CDK14: variants seen among roughly 807,000 people sequenced by gnomAD.
The protein encoded by CDK14 is cyclin dependent kinase 14.
CDK14 carries 34 observed loss-of-function variants against 60.7 expected under a neutral mutation model. That is an observed-to-expected ratio of 0.56 (90% CI 0.43 to 0.75). CDK14 has a LOEUF of 0.75. Ranked by LOEUF, CDK14 falls within the 30% of genes least tolerant of loss-of-function variation. The pLI, the probability that CDK14 is intolerant of heterozygous loss-of-function variation, is 0.00. For synonymous variants in CDK14, 197 were observed against 203.7 expected (o/e 0.97, Z 0.28); for missense variants, 482 against 564.1 (o/e 0.85, Z 1.47).
At chr7:90,694,130 C>T (rs1478703364) in intron 2 of CDK14, among the ~76,000 whole-genome samples, 2 of 152,066 alleles carry the variant, frequency 1.3e-5, no homozygotes, top group East Asian at 1.9e-4. Context: ...ATCTTTGTGC[C>T]TTAGGGCTTG....
chr7:90,747,853 T>C, intron 4 of CDK14, 78 bp downstream of exon 4: 1 of 557,686 alleles, frequency 1.8e-6, no homozygotes, highest in Non-Finnish European at 2.8e-6. Context: ...TTTATTTAAA[T>C]AATTATTATT....
intron 14 of CDK14, among the ~76,000 whole-genome samples, chr7:91,191,017 C>G (rs946179889): frequency 1.1e-4 from 16 of 152,128 alleles, no homozygotes; most frequent in African/African-American, 3.9e-4. Context: ...TGAGGAGGGT[C>G]GCAAACTTCA....
chr7:90,707,920 C>T, intron 2 of CDK14, among the ~76,000 whole-genome samples: 1 of 152,132 alleles, frequency 6.6e-6, no homozygotes, highest in East Asian at 1.9e-4. Flanking sequence ...GAATGCAGAG[C>T]ACATGGCTCT....
intron 5 of CDK14, among the ~76,000 whole-genome samples, chr7:90,826,084 A>G (rs2117093165): frequency 6.6e-6 from 1 of 152,346 alleles, no homozygotes; most frequent in South Asian, 2.1e-4. Flanking sequence ...TAGAATGTCT[A>G]TGAGTTCAAC....
chr7:90,778,586 T>G (rs111428917), intron 4 of CDK14, among the ~76,000 whole-genome samples: 1 of 152,152 alleles, frequency 6.6e-6, no homozygotes, highest in Non-Finnish European at 1.5e-5. Context: ...GTATCAGTCC[T>G]TTATGCAGCC....
At chr7:90,753,600 C>T (rs765462171) in intron 4 of CDK14, among the ~76,000 whole-genome samples, 3 of 152,102 alleles carry the variant, frequency 2.0e-5, no homozygotes, top group South Asian at 2.1e-4. Context: ...CCACTCTCGC[C>T]GCTCCTATTA....
At chr7:90,696,522 C>T (rs1379932302) in intron 2 of CDK14, among the ~76,000 whole-genome samples, 1 of 151,520 alleles carries the variant, frequency 6.6e-6, no homozygotes, top group Non-Finnish European at 1.5e-5. Flanking sequence ...TGTATTTTGG[C>T]CAGGCTTCTG....
intron 5 of CDK14, among the ~76,000 whole-genome samples, chr7:90,797,643 G>A (rs1788486147): frequency 6.6e-6 from 1 of 151,950 alleles, no homozygotes; most frequent in Admixed American, 6.6e-5. Context: ...TCATGGTTCT[G>A]CAGGCTGTAC....
At chr7:91,106,867 C>A (rs1025065121) in intron 12 of CDK14, among the ~76,000 whole-genome samples, 4 of 152,200 alleles carry the variant, frequency 2.6e-5, no homozygotes, top group Non-Finnish European at 5.9e-5. Flanking sequence ...CTTGGTCATG[C>A]ATTTGCAAAG....
rs1800795120 is a variant in CDK14, at chr7:91,150,309, C to T, written c.*28+32101C>T. ...TGTCTTTAAAATGTAATTTTCATTT[C>T]CAAGTCTCCTTTTAAATTAAAATAG... On this transcript the variant is annotated intron_variant, in intron 14 of 14. Coordinates refer to ENST00000380050, the MANE Select transcript of CDK14 (RefSeq NM_001287135.2). Among the ~76,000 whole-genome samples, 4 of 152,172 alleles carry T rather than the reference C, an allele frequency of 2.6e-5. No individual in the cohort carries two copies. In the South Asian group the frequency reaches 8.3e-4, roughly 32 times the overall value.
At chr7:90,635,264 G>T (rs1444170230) in intron 2 of CDK14, among the ~76,000 whole-genome samples, 9 of 152,130 alleles carry the variant, frequency 5.9e-5, no homozygotes, top group African/African-American at 2.2e-4. Flanking sequence ...TTTATGGTTT[G>T]AGGTCTAACA....
intron 5 of CDK14, among the ~76,000 whole-genome samples, chr7:90,801,094 G>A (rs1037698877): frequency 6.6e-6 from 1 of 152,150 alleles, no homozygotes; most frequent in African/African-American, 2.4e-5. Flanking sequence ...TGAGGTTCTG[G>A]GCTGACATAA....
At chr7:90,650,420 C>T in intron 2 of CDK14, among the ~76,000 whole-genome samples, 1 of 152,152 alleles carries the variant, frequency 6.6e-6, no homozygotes, top group Non-Finnish European at 1.5e-5. Context: ...CCTTTTCACT[C>T]TGATGGTAGT....
intron 2 of CDK14, among the ~76,000 whole-genome samples, chr7:90,621,687 G>GCCTT (rs1349799923): frequency 3.4e-4 from 45 of 132,504 alleles, no homozygotes; most frequent in African/African-American, 1.1e-3. Context: ...CTGCCTTCCT[G>GCCTT]CCTTCCTTCC....
intron 10 of CDK14, among the ~76,000 whole-genome samples, chr7:91,036,944 C>T (rs1055250068): frequency 2.0e-5 from 3 of 152,210 alleles, no homozygotes; most frequent in Non-Finnish European, 4.4e-5. Flanking sequence ...CCCACCCACA[C>T]TGAAGGCGAA....
At chr7:91,008,132 A>AAAC (rs1419276394) in intron 10 of CDK14, among the ~76,000 whole-genome samples, 1 of 140,262 alleles carries the variant, frequency 7.1e-6, no homozygotes, top group African/African-American at 2.8e-5. Context: ...AAGGCCAAAA[A>AAAC]AAAAAAAAAA....
intron 2 of CDK14, among the ~76,000 whole-genome samples, chr7:90,615,517 G>A (rs981046518): frequency 6.6e-6 from 1 of 152,188 alleles, no homozygotes; most frequent in African/African-American, 2.4e-5. Flanking sequence ...ATATTGAAGT[G>A]TGTGAATACT....
At chr7:91,019,418 A>G (rs1796383592) in intron 10 of CDK14, among the ~76,000 whole-genome samples, 1 of 152,192 alleles carries the variant, frequency 6.6e-6, no homozygotes, top group Admixed American at 6.5e-5. Flanking sequence ...AATTATGAAC[A>G]ATAATACATG....
At chr7:90,661,420 G>T (rs1374214950) in intron 2 of CDK14, among the ~76,000 whole-genome samples, 7 of 152,148 alleles carry the variant, frequency 4.6e-5, no homozygotes, top group Admixed American at 3.9e-4. Context: ...AGGTCCTTGT[G>T]CCGAATTGTT....
Sources: allele counts gnomAD v4.1 joint callset (sites outside exome capture counted in the v4.1 genomes callset), GRCh38; gene constraint gnomAD v4.1.1; transcripts MANE v1.5; gene names NCBI Gene and HGNC (gene_info 2026-07-23, HGNC 2026-07-21).